Variants in GPC5 observed in about 807,000 individuals in gnomAD.
GPC5 encodes glypican-5.
GPC5 carries 47 observed loss-of-function variants against 53.9 expected under a neutral mutation model. That is an observed-to-expected ratio of 0.87 (90% CI 0.69 to 1.11). The LOEUF (loss-of-function observed/expected upper bound fraction) is 1.11. Among genes scored for constraint, GPC5 ranks in the 50% most tolerant of loss-of-function variants. The pLI is 0.00. For synonymous variants in GPC5, 286 were observed against 263.3 expected (o/e 1.09, Z -0.84); for missense variants, 748 against 713.1 (o/e 1.05, Z -0.56).
chr13:91,578,767 C>T (rs73614553), intron 2 of GPC5, among the ~76,000 whole-genome samples: 9,360 of 151,778 alleles, frequency 0.062, 949 homozygotes, highest in African/African-American at 0.21. Context: ...AATTTTAGGC[C>T]GGGTGCGGTG....
intron 7 of GPC5, among the ~76,000 whole-genome samples, chr13:92,498,589 C>G (rs1880070147): frequency 6.6e-6 from 1 of 152,074 alleles, no homozygotes. Flanking sequence ...TTAAAAACTG[C>G]CTGACCACGA....
At chr13:91,541,360 G>GTC (rs1305240090) in intron 2 of GPC5, among the ~76,000 whole-genome samples, 2 of 152,048 alleles carry the variant, frequency 1.3e-5, no homozygotes, top group African/African-American at 4.8e-5. Context: ...GTTATTTTCT[G>GTC]TCTACTATTC....
intron 7 of GPC5, among the ~76,000 whole-genome samples, chr13:92,415,816 AT>A (rs1313123494): frequency 1.3e-5 from 2 of 152,204 alleles, no homozygotes; most frequent in African/African-American, 4.8e-5. Context: ...AGATGAACCA[AT>A]TTTGAATGCT....
At chr13:92,718,617 A>G (rs898830320) in intron 7 of GPC5, among the ~76,000 whole-genome samples, 2 of 152,120 alleles carry the variant, frequency 1.3e-5, no homozygotes, top group African/African-American at 4.8e-5. Context: ...GCTAGAATGA[A>G]TAAAATCTCC....
intron 5 of GPC5, among the ~76,000 whole-genome samples, chr13:91,872,609 T>C (rs1007663783): frequency 3.9e-5 from 6 of 152,158 alleles, no homozygotes; most frequent in African/African-American, 1.4e-4. Flanking sequence ...GTTATTTATA[T>C]GACATATAGG....
At chr13:92,711,557 C>G (rs1888141210) in intron 7 of GPC5, among the ~76,000 whole-genome samples, 1 of 151,994 alleles carries the variant, frequency 6.6e-6, no homozygotes, top group African/African-American at 2.4e-5. Flanking sequence ...GAAAGAAAAT[C>G]AAGGTTACAG....
At chr13:92,838,842 T>C (rs1878318815) in intron 7 of GPC5, among the ~76,000 whole-genome samples, 1 of 152,218 alleles carries the variant, frequency 6.6e-6, no homozygotes, top group Admixed American at 6.5e-5. Flanking sequence ...ATTACATTAC[T>C]CATAAATTTC....
chr13:92,632,568 TAATC>T (rs911438096), intron 7 of GPC5, among the ~76,000 whole-genome samples: 18 of 151,036 alleles, frequency 1.2e-4, no homozygotes, highest in African/African-American at 4.1e-4. Flanking sequence ...TCTGCCCTAT[TAATC>T]TATATATGTA....
Position 91,636,934 on chromosome 13 carries a change from G to A in GPC5, c.326-56253G>A, listed in dbSNP as rs374982023. 5.4e-4 allele frequency among the ~76,000 whole-genome samples: 82 copies of A among 152,298 alleles called. 1 individual carries two copies. In the South Asian group the frequency reaches 0.016, roughly 29 times the overall value. On this transcript the variant is annotated intron_variant, in intron 2 of 7. Transcript: ENST00000377067. ...GATCCAGTACCCCTATACTCCAGTG[G>A]CAGAGGGAGATCTTGTCTCTAAAAC...
chr13:92,593,546 G>A (rs1883779228), intron 7 of GPC5, among the ~76,000 whole-genome samples: 1 of 151,026 alleles, frequency 6.6e-6, no homozygotes, highest in African/African-American at 2.4e-5. Context: ...GGATAAATAC[G>A]GGAATCATCA....
chr13:92,021,869 C>T (rs2040761347), intron 6 of GPC5, among the ~76,000 whole-genome samples: 1 of 152,150 alleles, frequency 6.6e-6, no homozygotes, highest in Non-Finnish European at 1.5e-5. Context: ...ATCCACCATT[C>T]CAATAATAAT....
At chr13:91,524,991 T>C (rs906459681) in intron 2 of GPC5, among the ~76,000 whole-genome samples, 19 of 152,202 alleles carry the variant, frequency 1.2e-4, no homozygotes, top group Non-Finnish European at 8.8e-5. Flanking sequence ...GTTAAAGTCA[T>C]GTATGCAAAT....
At chr13:91,546,031 T>C (rs527809924) in intron 2 of GPC5, among the ~76,000 whole-genome samples, 2 of 152,112 alleles carry the variant, frequency 1.3e-5, no homozygotes, top group Non-Finnish European at 2.9e-5. Context: ...TAGCACAGAT[T>C]TATATAATGT....
At chr13:91,549,816 A>C (rs1290285112) in intron 2 of GPC5, among the ~76,000 whole-genome samples, 1 of 152,202 alleles carries the variant, frequency 6.6e-6, no homozygotes, top group Non-Finnish European at 1.5e-5. Context: ...GTGGGAATGC[A>C]AAATAGTGCA....
chr13:91,579,790 A>G (rs1329148017), intron 2 of GPC5, among the ~76,000 whole-genome samples: 1 of 150,888 alleles, frequency 6.6e-6, no homozygotes, highest in Non-Finnish European at 1.5e-5. Context: ...CACTACGCCC[A>G]GCTTTTTTGT....
intron 7 of GPC5, among the ~76,000 whole-genome samples, chr13:92,274,457 C>A (rs558989227): frequency 2.0e-5 from 3 of 152,248 alleles, no homozygotes; most frequent in South Asian, 2.1e-4. Context: ...GTAACTCGTA[C>A]TTATTGTTTA....
chr13:92,111,095 C>A (rs1438197470), intron 6 of GPC5, among the ~76,000 whole-genome samples: 1 of 152,068 alleles, frequency 6.6e-6, no homozygotes, highest in Non-Finnish European at 1.5e-5. Flanking sequence ...AATATGGTGG[C>A]TTTAATAAAT....
intron 7 of GPC5, among the ~76,000 whole-genome samples, chr13:92,808,261 T>G (rs1410622920): frequency 6.6e-6 from 1 of 152,126 alleles, no homozygotes; most frequent in Non-Finnish European, 1.5e-5. Context: ...AGAATTTACT[T>G]TCTCTTTAAG....
intron 7 of GPC5, among the ~76,000 whole-genome samples, chr13:92,587,775 G>A (rs1883584435): frequency 6.6e-6 from 1 of 151,926 alleles, no homozygotes; most frequent in Non-Finnish European, 1.5e-5. Flanking sequence ...ATTCACTCCT[G>A]GAGGCAGCCA....
Sources: gnomAD v4.1 joint callset for allele counts (sites outside exome capture counted in the v4.1 genomes callset) on GRCh38, gnomAD v4.1.1 for gene constraint, MANE v1.5 for transcripts, NCBI Gene and HGNC (gene_info 2026-07-23, HGNC 2026-07-21) for gene names.